Variants in DTX2 observed in about 807,000 individuals in gnomAD.
DTX2 encodes the protein probable E3 ubiquitin-protein ligase DTX2.
In DTX2, 29 loss-of-function variants were observed where a neutral mutation model predicts 55.3. The observed-to-expected ratio is 0.52, with a 90% CI of 0.39 to 0.71. The LOEUF is 0.71. DTX2 is among the 30% of genes least tolerant of loss of function. DTX2 has a pLI of 0.00. For synonymous variants in DTX2, 276 were observed against 340.4 expected, an observed-to-expected ratio of 0.81 and a Z score of 2.08; for missense variants, 537 against 822.5, an observed-to-expected ratio of 0.65 and a Z score of 4.25.
chr7:76,483,694 T>A (rs1809582752), intron 4 of DTX2, among the ~76,000 whole-genome samples: 1 of 150,796 alleles, frequency 6.6e-6, no homozygotes, highest in Non-Finnish European at 1.5e-5. Flanking sequence ...GGTAGAGCGC[T>A]CAGCTCCTTG....
intron 3 of DTX2, among the ~76,000 whole-genome samples, chr7:76,481,614 G>C (rs1348303643): frequency 6.6e-6 from 1 of 151,998 alleles, no homozygotes; most frequent in African/African-American, 2.4e-5. Flanking sequence ...ACAATGTTTG[G>C]AGACATTGTT....
At chr7:76,481,311 C>T (rs1348811797) in intron 3 of DTX2, among the ~76,000 whole-genome samples, 5 of 152,038 alleles carry the variant, frequency 3.3e-5, no homozygotes, top group African/African-American at 9.7e-5. Context: ...CTCAGCCTCC[C>T]GAGTAGCTGG....
chr7:76,499,081 A>G (rs1257603787), intron 6 of DTX2, among the ~76,000 whole-genome samples: 2 of 4,512 alleles, frequency 4.4e-4, no homozygotes, highest in Non-Finnish European at 7.2e-4. Context: ...TGGTGTGTGG[A>G]GGTGTGAGGT....
rs368665521 is a variant in DTX2 at position 76,505,430 on chromosome 7, G to A, written c.1698G>A (p.Thr566=). The change falls in exon 11 of 11, where the codon ACG becomes ACA. Residue 566 remains threonine, a synonymous_variant. Transcript: ENST00000430490. The surrounding 1 kb of genome is among the most constrained non-coding windows in gnomAD (Gnocchi z 4.4). The stretch of plus-strand genomic sequence containing the variant: ...GGCGGCTCATCTTCACAGTGGGCAC[G>A]TCCAGCACCACGGGTGAGACGGACA... The part of the protein sequence containing the change: ...WKRRLIFTVG[T]SSTTGETDTV... The A allele has an allele frequency of 1.6e-5, 26 of 1,601,454 alleles. 1 individual carries two copies. The highest frequency in any genetic ancestry group is 2.0e-5 in the Non-Finnish European group (24 of 1,174,380).
At chr7:76,467,978 G>A (rs1807361012) in intron 2 of DTX2, among the ~76,000 whole-genome samples, 1 of 152,302 alleles carries the variant, frequency 6.6e-6, no homozygotes, top group African/African-American at 2.4e-5. Context: ...GAGGGGCTCG[G>A]GCAGGGCATC....
chr7:76,505,258 G>C lies in DTX2; in HGVS notation c.1642-116G>C. The C allele has an allele frequency of 1.2e-6, 1 of 845,566 alleles. No individual in the cohort carries two copies. The allele number at this position is 845,566 out of a possible 1,614,324, so 52.4% of individuals were successfully genotyped here. ...ATGGGGTGAGTGCCAGGGAGTGGAT[G>C]AGTCACCTGGGAGGGGCTGGGATGG... On this transcript the variant is annotated intron_variant, in intron 10 of 10. Transcript: ENST00000430490. The surrounding 1 kb of genome is among the most constrained non-coding windows in gnomAD (Gnocchi z 4.4).
At chr7:76,468,286 G>T (rs1337086984) in intron 2 of DTX2, among the ~76,000 whole-genome samples, 2 of 151,632 alleles carry the variant, frequency 1.3e-5, no homozygotes, top group Non-Finnish European at 2.9e-5. Flanking sequence ...TGTTGGCAAA[G>T]CTAGCCAGAG....
At chr7:76,502,994 C>T (rs1244941763) in intron 8 of DTX2, 1 of 215,128 alleles carries the variant, frequency 4.6e-6, no homozygotes, top group Non-Finnish European at 9.2e-6. Context: ...CATCGGCCTT[C>T]AGGCGGGATG....
chr7:76,496,490 A>G lies in DTX2; in HGVS notation c.1010-847A>G, dbSNP rs1244603782. On this transcript the variant is annotated intron_variant, in intron 5 of 10. Transcript: ENST00000430490. ...TTGACCTAACTGACCGATGACAGGG[A>G]GGACCGGGGAGCTGGCACTATGGAA... Among the ~76,000 whole-genome samples, 2 of 77,354 alleles carry G rather than the reference A, an allele frequency of 2.6e-5. 1 individual carries two copies. The highest frequency in any genetic ancestry group is 5.1e-5 in the Non-Finnish European group (2 of 39,576). The allele number at this position is 77,354 out of a possible 152,430, so 50.7% of individuals were successfully genotyped here.
At chr7:76,473,835 A>C (rs1808208021) in intron 2 of DTX2, among the ~76,000 whole-genome samples, 2 of 120,986 alleles carry the variant, frequency 1.7e-5, no homozygotes, top group Admixed American at 1.7e-4. Flanking sequence ...TATTTTGCAA[A>C]GGAGCTTCAT....
Position 76,505,464 on chromosome 7 carries a change from T to TG in DTX2, c.1734dup (p.Asn579GlufsTer30), listed in dbSNP as rs1287045291. Reference sequence around the variant, plus strand: ...CACGGGTGAGACGGACACCGTGGTATGGAACGAGATCCACCACAAGACAGA... The same window carrying TG: ...CACGGGTGAGACGGACACCGTGGTATGGGAACGAGATCCACCACAAGACAGA... On this transcript the variant is annotated frameshift_variant, in exon 11 of 11. Transcript: ENST00000430490. LOFTEE classifies it high-confidence loss of function. This position sits in a 1 kb window ranked among gnomAD's most constrained non-coding sequence, Gnocchi z 4.4. The TG allele has an allele frequency of 6.2e-7, 1 of 1,607,856 alleles. No individual in the cohort carries two copies. The highest frequency in any genetic ancestry group is 8.5e-7 in the Non-Finnish European group (1 of 1,177,392).
chr7:76,498,786 G>T (rs1320819368), intron 6 of DTX2, among the ~76,000 whole-genome samples: 1 of 96,116 alleles, frequency 1.0e-5, no homozygotes, highest in Non-Finnish European at 2.1e-5. Context: ...GGTTCGGGCA[G>T]TCTGTATGGG....
chr7:76,500,842 A>G (rs1811584933), intron 7 of DTX2, among the ~76,000 whole-genome samples: 1 of 152,002 alleles, frequency 6.6e-6, no homozygotes, highest in Admixed American at 6.6e-5. Context: ...CACCTTGCGG[A>G]TGCTGGTGTA....
intron 4 of DTX2, among the ~76,000 whole-genome samples, chr7:76,489,821 T>G (rs568764864): frequency 7.3e-4 from 96 of 132,204 alleles, no homozygotes; most frequent in African/African-American, 2.4e-3. Flanking sequence ...AGACTCTGTC[T>G]CAAAAAATCC....
In DTX2 at chr7:76,480,588, G is replaced by C. The variant is rs970987923; in HGVS notation, c.79G>C (p.Gly27Arg). Residue 27 changes from glycine (G) to arginine (R), a missense_variant, in exon 3 of 11, where the codon GGG becomes CGG. Transcript: ENST00000430490. ...TGTGGCCGTGTGGGAATGGCAGGAC[G>C]GGCTGGGCACCTGGCACCCCTACAG... ...AAVAVWEWQD[G>R]LGTWHPYSAT... 13 of 1,612,908 alleles carry C rather than the reference G, an allele frequency of 8.1e-6. No individual in the cohort carries two copies. Among genetic ancestry groups the C allele is most frequent in the Admixed American group, 1.7e-5 (1 of 60,004 alleles).
intron 6 of DTX2, chr7:76,499,979 G>A (rs1392336342): frequency 5.4e-5 from 20 of 367,168 alleles, no homozygotes; most frequent in Non-Finnish European, 1.0e-4. Context: ...GCCTGTACAT[G>A]CTGGACCCCA....
In DTX2 at chr7:76,475,105, G is replaced by A. The variant is rs571750184; in HGVS notation, c.-89-5316G>A. Among the ~76,000 whole-genome samples the A allele has an allele frequency of 6.1e-4, 93 of 151,868 alleles. 1 individual carries two copies. The highest frequency in any genetic ancestry group is 2.1e-3 in the African/African-American group (85 of 41,416). ...GTAGATCACCTGAGGTCAGGAGTTC[G>A]AGACCAGCCTGGCCAACATGGTGAA... On this transcript the variant is annotated intron_variant, in intron 2 of 10. Coordinates refer to ENST00000430490, the MANE Select transcript of DTX2 (RefSeq NM_001102594.3).
rs556606345 is a variant in DTX2, at chr7:76,469,432, G to A, written c.-90+5723G>A. 2.5e-4 allele frequency among the ~76,000 whole-genome samples: 30 copies of A among 118,708 alleles called. 1 individual carries two copies. In the South Asian group the frequency reaches 6.4e-3, roughly 25 times the overall value. The allele number at this position is 118,708 out of a possible 152,430, so 77.9% of individuals were successfully genotyped here. Reference sequence around the variant, plus strand: ...TTTTGAGACGGATTCTCATTCTGTCGCCCAAGCTGGAGTGCAGTGGCATAA... The same window carrying A: ...TTTTGAGACGGATTCTCATTCTGTCACCCAAGCTGGAGTGCAGTGGCATAA... On this transcript the variant is annotated intron_variant, in intron 2 of 10. Transcript: ENST00000430490.
At chr7:76,491,290 C>T (rs1349999743) in intron 4 of DTX2, among the ~76,000 whole-genome samples, 1 of 143,840 alleles carries the variant, frequency 7.0e-6, no homozygotes, top group African/African-American at 2.6e-5. Flanking sequence ...GCCACTGCAC[C>T]CAGCCATTTT....
Sources: allele counts gnomAD v4.1 joint callset (sites outside exome capture counted in the v4.1 genomes callset), GRCh38; gene constraint gnomAD v4.1.1; non-coding constraint Gnocchi (gnomAD v3.1); transcripts MANE v1.5; gene names NCBI Gene and HGNC (gene_info 2026-07-23, HGNC 2026-07-21).